POLR3B: variants seen among roughly 807,000 people sequenced by gnomAD.
POLR3B encodes the protein RNA polymerase III subunit B.
A neutral mutation model predicts 147.4 loss-of-function variants in POLR3B; 96 were observed. The ratio of observed to expected loss-of-function variants is 0.65; its 90% CI spans 0.55 to 0.77. The LOEUF is 0.77. Among genes scored for constraint, POLR3B ranks in the 30% least tolerant of loss-of-function variants. The pLI is 0.00. For missense variants in POLR3B, 1,036 were observed against 1,413.5 expected (o/e 0.73, Z 4.28); for synonymous variants, 461 against 485.9 (o/e 0.95, Z 0.67).
Position 106,494,776 on chromosome 12 carries a change from A to T in POLR3B, c.2714-1279A>T, listed in dbSNP as rs144858430. Among the ~76,000 whole-genome samples the T allele has an allele frequency of 2.9e-3, 443 of 152,350 alleles. 4 individuals carry two copies. The highest frequency in any genetic ancestry group is 0.01 in the African/African-American group (419 of 41,580). On this transcript the variant is annotated intron_variant, in intron 23 of 27. Transcript: ENST00000228347. ...TCATGTAGGAAAGCATATATTTATA[A>T]TAAACAATACCATTTTAACCCAAAA...
intron 6 of POLR3B, among the ~76,000 whole-genome samples, chr12:106,370,631 G>GTTTTTTTTTTTTT: frequency 7.9e-6 from 1 of 126,574 alleles, no homozygotes; most frequent in Non-Finnish European, 1.7e-5. Flanking sequence ...TTGTTTTATT[G>GTTTTTTTTTTTTT]TTTTTTTTTT....
chr12:106,370,723 C>T (rs1298681623), intron 6 of POLR3B, among the ~76,000 whole-genome samples: 1 of 151,362 alleles, frequency 6.6e-6, no homozygotes, highest in Non-Finnish European at 1.5e-5. Flanking sequence ...CCTCTGCCTC[C>T]CGGGTTCAAG....
At chr12:106,390,134 C>T (rs1318007139) in intron 9 of POLR3B, among the ~76,000 whole-genome samples, 2 of 151,400 alleles carry the variant, frequency 1.3e-5, no homozygotes, top group East Asian at 3.9e-4. Flanking sequence ...AAGAGAATCA[C>T]TTGAATCCGG....
chr12:106,375,508 T>A (rs1176915425), intron 6 of POLR3B, among the ~76,000 whole-genome samples: 3 of 152,226 alleles, frequency 2.0e-5, no homozygotes, highest in African/African-American at 2.4e-5. Flanking sequence ...CTCTTTCATA[T>A]CTTCCATCTC....
At position 106,430,476 on chromosome 12, in the gene POLR3B, A is replaced by G. The variant is rs376335255; in HGVS notation, c.1464+3A>G. ...CTTCGGACACTCCTGAAGGAGAGGT[A>G]AGGAATCTGAGGAGTCTTGATGCTG... On this transcript the variant is annotated splice_donor_region_variant and intron_variant, in intron 14 of 27. Coordinates refer to ENST00000228347, the MANE Select transcript of POLR3B (RefSeq NM_018082.6). 1.6e-5 allele frequency: 26 copies of G among 1,610,282 alleles called. No individual in the cohort carries two copies. In the African/African-American group the frequency reaches 2.5e-4, roughly 16 times the overall value.
intron 9 of POLR3B, among the ~76,000 whole-genome samples, chr12:106,382,829 C>G (rs763435305): frequency 2.0e-5 from 3 of 152,184 alleles, no homozygotes; most frequent in Non-Finnish European, 4.4e-5. Flanking sequence ...TGAACTTTTT[C>G]TAGACCCTCA....
At chr12:106,468,927 G>C (rs2038047556) in intron 23 of POLR3B, among the ~76,000 whole-genome samples, 1 of 152,144 alleles carries the variant, frequency 6.6e-6, no homozygotes, top group Non-Finnish European at 1.5e-5. Context: ...GTTGATTTGG[G>C]GTGGAGAGTT....
intron 6 of POLR3B, among the ~76,000 whole-genome samples, chr12:106,372,772 C>A (rs563858417): frequency 1.3e-5 from 2 of 152,130 alleles, no homozygotes; most frequent in African/African-American, 4.8e-5. Context: ...CTTCTCCCTT[C>A]GTCTTCCAAT....
chr12:106,409,980 T>C (rs1297725407), intron 11 of POLR3B, among the ~76,000 whole-genome samples: 1 of 152,206 alleles, frequency 6.6e-6, no homozygotes, highest in Non-Finnish European at 1.5e-5. Flanking sequence ...TTCATTCATA[T>C]GGGTTTCAGT....
At chr12:106,481,542 C>G (rs886095570) in intron 23 of POLR3B, among the ~76,000 whole-genome samples, 4 of 152,200 alleles carry the variant, frequency 2.6e-5, no homozygotes, top group Non-Finnish European at 5.9e-5. Context: ...GTCAGCTCAC[C>G]TCTTCACATC....
chr12:106,400,556 A>G (rs1366638083), intron 10 of POLR3B, among the ~76,000 whole-genome samples: 3 of 152,224 alleles, frequency 2.0e-5, no homozygotes, highest in African/African-American at 7.2e-5. Context: ...CTATTCCAAA[A>G]TTGACCACAT....
chr12:106,384,475 T>C (rs551983249), intron 9 of POLR3B, among the ~76,000 whole-genome samples: 36 of 152,322 alleles, frequency 2.4e-4, no homozygotes, highest in South Asian at 8.3e-4. Flanking sequence ...TTCACAGATA[T>C]GCACTGACAC....
intron 9 of POLR3B, among the ~76,000 whole-genome samples, chr12:106,391,912 A>G (rs760534956): frequency 1.3e-5 from 2 of 152,216 alleles, no homozygotes; most frequent in Non-Finnish European, 2.9e-5. Flanking sequence ...TGTCTTCTCT[A>G]CAGCTGAAGG....
intron 6 of POLR3B, among the ~76,000 whole-genome samples, chr12:106,371,801 AG>A (rs1191388721): frequency 2.2e-5 from 2 of 91,348 alleles, no homozygotes; most frequent in Non-Finnish European, 4.2e-5. Flanking sequence ...GGGTTGGGGG[AG>A]GGGGGTGGGA....
At chr12:106,402,605 A>G (rs1231872370) in intron 10 of POLR3B, among the ~76,000 whole-genome samples, 8 of 152,344 alleles carry the variant, frequency 5.3e-5, no homozygotes, top group African/African-American at 1.9e-4. Flanking sequence ...TGGTACCAAA[A>G]CAGAAATATC....
chr12:106,381,279 A>G (rs1036816579), intron 9 of POLR3B, among the ~76,000 whole-genome samples: 3 of 152,214 alleles, frequency 2.0e-5, no homozygotes, highest in African/African-American at 7.2e-5. Context: ...ATAGCATTTT[A>G]CCCACAGTAG....
At chr12:106,366,296 C>T (rs1010450002) in intron 2 of POLR3B, among the ~76,000 whole-genome samples, 5 of 151,976 alleles carry the variant, frequency 3.3e-5, no homozygotes, top group Non-Finnish European at 7.4e-5. Context: ...GGAAAACTCT[C>T]GAGGATATGC....
chr12:106,407,864 G>A (rs73186457), intron 11 of POLR3B, among the ~76,000 whole-genome samples: 16,702 of 152,096 alleles, frequency 0.11, 1,064 homozygotes, highest in African/African-American at 0.16. Context: ...TTCTGTGGTT[G>A]CATGGAACCT....
chr12:106,361,408 GC>G (rs1320401248), intron 1 of POLR3B, among the ~76,000 whole-genome samples: 4 of 152,308 alleles, frequency 2.6e-5, no homozygotes, highest in African/African-American at 9.6e-5. Flanking sequence ...TGAGAATGGA[GC>G]TGGGGGAAGA....
Sources: allele counts gnomAD v4.1 joint callset (sites outside exome capture counted in the v4.1 genomes callset), GRCh38; gene constraint gnomAD v4.1.1; transcripts MANE v1.5; gene names NCBI Gene and HGNC (gene_info 2026-07-23, HGNC 2026-07-21).